The following B4GALNT3 variants were observed in gnomAD, a reference collection of about 807,000 sequenced individuals.
B4GALNT3 encodes the protein beta-1,4-N-acetylgalactosaminyltransferase 3.
B4GALNT3 carries 86 observed loss-of-function variants against 120.2 expected under a neutral mutation model. That is an observed-to-expected ratio of 0.72 (90% CI 0.60 to 0.86). The LOEUF (loss-of-function observed/expected upper bound fraction) is 0.86. B4GALNT3 is among the 40% of genes least tolerant of loss of function. The pLI, the probability that B4GALNT3 is intolerant of heterozygous loss-of-function variation, is 0.00. For synonymous variants in B4GALNT3, 518 were observed against 510.4 expected, an observed-to-expected ratio of 1.01 and a Z score of -0.20; for missense variants, 1,167 against 1,298.9, an observed-to-expected ratio of 0.90 and a Z score of 1.56.
intron 3 of B4GALNT3, chr12:542,990 G>C (rs542741167): frequency 1.5e-5 from 9 of 606,194 alleles, no homozygotes; most frequent in South Asian, 1.2e-4. Context: ...GGGATGGGGA[G>C]GGGAGGAGAG....
intron 3 of B4GALNT3, among the ~76,000 whole-genome samples, chr12:538,464 C>T (rs1012747808): frequency 7.2e-6 from 1 of 139,742 alleles, no homozygotes; most frequent in Non-Finnish European, 1.5e-5. Flanking sequence ...GGGGCTGAGG[C>T]GGGAGGATTG....
intron 1 of B4GALNT3, among the ~76,000 whole-genome samples, chr12:513,409 T>A (rs1476148804): frequency 1.3e-5 from 2 of 152,248 alleles, no homozygotes; most frequent in Non-Finnish European, 2.9e-5. Context: ...GGGTTATTCG[T>A]GCCTCTCATT....
chr12:515,934 G>A (rs905241758), intron 1 of B4GALNT3, among the ~76,000 whole-genome samples: 2 of 152,146 alleles, frequency 1.3e-5, no homozygotes, highest in South Asian at 2.1e-4. Flanking sequence ...TCAGGAGATC[G>A]AGACCATCCT....
At chr12:532,550 G>A (rs532199951) in intron 1 of B4GALNT3, among the ~76,000 whole-genome samples, 20 of 152,292 alleles carry the variant, frequency 1.3e-4, no homozygotes, top group African/African-American at 3.6e-4. Context: ...GTTGGAAAAC[G>A]ACTGAGACAT....
At chr12:486,996 A>T (rs1007132551) in intron 1 of B4GALNT3, among the ~76,000 whole-genome samples, 10 of 152,202 alleles carry the variant, frequency 6.6e-5, no homozygotes, top group Admixed American at 5.2e-4. Context: ...GGGAATTCTA[A>T]GAATGAATCA....
At chr12:537,983 C>G (rs1047401226) in intron 3 of B4GALNT3, among the ~76,000 whole-genome samples, 1 of 152,152 alleles carries the variant, frequency 6.6e-6, no homozygotes, top group Non-Finnish European at 1.5e-5. Flanking sequence ...TGCTGGCACA[C>G]CTGCACTAGA....
At chr12:479,915 CTT>C (rs55829689) in intron 1 of B4GALNT3, among the ~76,000 whole-genome samples, 4,790 of 105,412 alleles carry the variant, frequency 0.045, 191 homozygotes, top group South Asian at 0.12. Context: ...ATGGGGAGTT[CTT>C]TTTTTTTTTT....
intron 1 of B4GALNT3, among the ~76,000 whole-genome samples, chr12:466,476 G>T (rs555142655): frequency 4.3e-4 from 66 of 152,288 alleles, no homozygotes; most frequent in African/African-American, 1.5e-3. Flanking sequence ...GTCTCAACTA[G>T]GCCAACCAGA....
intron 1 of B4GALNT3, among the ~76,000 whole-genome samples, chr12:469,265 G>C (rs1946111903): frequency 6.6e-6 from 1 of 152,128 alleles, no homozygotes; most frequent in Admixed American, 6.6e-5. Flanking sequence ...GCCTTGTCTG[G>C]GTAGTGGAGC....
chr12:557,676 G>A lies in B4GALNT3; in HGVS notation c.2449G>A (p.Asp817Asn). ...DMENLFQVTGDPHFNIVITDY... is the reference protein window; with the variant it reads ...DMENLFQVTGNPHFNIVITDY... ...GGAAAACCTGTTCCAGGTCACCGGT[G>A]ACCCACACTTCAACATCGTCATCAC... Residue 817 changes from aspartate (D) to asparagine (N), a missense_variant, in exon 16 of 20, where the codon GAC becomes AAC. Transcript: ENST00000266383. 1 of 1,610,142 alleles carries A rather than the reference G, an allele frequency of 6.2e-7. No homozygotes were observed. Among genetic ancestry groups the A allele is most frequent in the Non-Finnish European group, 8.5e-7 (1 of 1,178,708 alleles).
At chr12:477,152 A>G (rs140883785) in intron 1 of B4GALNT3, among the ~76,000 whole-genome samples, 99 of 152,268 alleles carry the variant, frequency 6.5e-4, no homozygotes, top group African/African-American at 2.3e-3. Flanking sequence ...ACAACACACC[A>G]TGCCACTCAC....
chr12:511,994 A>T (rs1946576830), intron 1 of B4GALNT3, among the ~76,000 whole-genome samples: 1 of 106,538 alleles, frequency 9.4e-6, no homozygotes, highest in Non-Finnish European at 1.9e-5. Flanking sequence ...TCCGCCTTCC[A>T]TCTTCCTTCC....
At chr12:507,155 C>CT (rs35914497) in intron 1 of B4GALNT3, among the ~76,000 whole-genome samples, 2 of 152,224 alleles carry the variant, frequency 1.3e-5, no homozygotes, top group African/African-American at 4.8e-5. Flanking sequence ...TCAGATATCC[C>CT]TTTTCTGTTC....
intron 1 of B4GALNT3, among the ~76,000 whole-genome samples, chr12:516,228 C>T (rs1946654212): frequency 6.6e-6 from 1 of 151,800 alleles, no homozygotes; most frequent in Non-Finnish European, 1.5e-5. Flanking sequence ...TATACACATG[C>T]ACACATAATA....
intron 1 of B4GALNT3, among the ~76,000 whole-genome samples, chr12:483,464 A>G (rs1946261198): frequency 6.6e-6 from 1 of 152,184 alleles, no homozygotes; most frequent in African/African-American, 2.4e-5. Flanking sequence ...TGGGAGGCCA[A>G]GGCAGATGAA....
chr12:552,330 CACACA>C lies in B4GALNT3; in HGVS notation c.1209-136_1209-132del. ...ACACACACACACACACACACACACA[CACACA>C]CCCGCTCACCAGCCTCCTTCCTCCA... On this transcript the variant is annotated intron_variant, in intron 12 of 19. Transcript: ENST00000266383. 7 of 913,278 alleles carry C rather than the reference CACACA, an allele frequency of 7.7e-6. No homozygotes were observed. The Admixed American group carries it at 7.7e-5, about 10-fold the overall frequency. 56.6% of individuals were successfully genotyped at this position (913,278 alleles called of 1,614,324 possible). A position where few individuals can be genotyped will look rare whatever the true frequency, so the allele number is the denominator to read the frequency against.
At chr12:539,534 TAAAAAAA>T (rs561171166) in intron 3 of B4GALNT3, among the ~76,000 whole-genome samples, 47 of 136,738 alleles carry the variant, frequency 3.4e-4, no homozygotes, top group African/African-American at 1.2e-3. Context: ...GCCTTTCCTT[TAAAAAAA>T]AAAAAAAAAA....
In B4GALNT3 at chr12:460,426, A is replaced by G. The variant is rs1235857046; in HGVS notation, c.50A>G (p.Lys17Arg). 1 of 1,550,560 alleles carries G rather than the reference A, an allele frequency of 6.4e-7. No individual in the cohort carries two copies. Among genetic ancestry groups the G allele is most frequent in the Non-Finnish European group, 8.7e-7 (1 of 1,151,542 alleles). The change falls in exon 1 of 20, where the codon AAG becomes AGG. Residue 17 changes from lysine to arginine, a missense_variant. Lys to Arg is a conservative substitution (Grantham distance 26). This residue lies in a region of B4GALNT3 where 171 missense variants were observed against 161.3 expected (regional missense o/e 1.06). Coordinates refer to ENST00000266383, the MANE Select transcript of B4GALNT3 (RefSeq NM_173593.4). This position sits in a 1 kb window ranked among gnomAD's most constrained non-coding sequence, Gnocchi z 8.0. ...CCCCCGCTGCTCCTGCGCCCGGTGAAGCTGCTGCGGAGGCGCTTCCGGCTG... is the reference window on the plus strand; with the variant it reads ...CCCCCGCTGCTCCTGCGCCCGGTGAGGCTGCTGCGGAGGCGCTTCCGGCTG... The part of the protein sequence containing the change: ...ARPPLLLRPV[K>R]LLRRRFRLLL...
At chr12:496,882 A>G (rs1013198489) in intron 1 of B4GALNT3, among the ~76,000 whole-genome samples, 7 of 152,054 alleles carry the variant, frequency 4.6e-5, no homozygotes, top group African/African-American at 1.4e-4. Context: ...TCATTCGTTT[A>G]TTCTATTTAT....
Sources: gnomAD v4.1 joint callset for allele counts (sites outside exome capture counted in the v4.1 genomes callset) on GRCh38, gnomAD v4.1.1 for gene constraint, gnomAD v4.1.1 regional missense constraint, Gnocchi (gnomAD v3.1) non-coding constraint, MANE v1.5 for transcripts, NCBI Gene and HGNC (gene_info 2026-07-23, HGNC 2026-07-21) for gene names.